The following CHIA variants were observed in gnomAD, a reference collection of about 807,000 sequenced individuals.
The protein encoded by CHIA is chitinase acidic.
CHIA carries 47 observed loss-of-function variants against 53.5 expected under a neutral mutation model. That is an observed-to-expected ratio of 0.88 (90% confidence interval 0.70 to 1.12). CHIA has a LOEUF of 1.12. CHIA is among the 50% of genes most tolerant of loss of function. The pLI is 0.00. For synonymous variants in CHIA, 268 were observed against 222.2 expected (o/e 1.21, Z -1.83); for missense variants, 652 against 592.2 (o/e 1.10, Z -1.05).
chr1:111,293,256 T>TGGA (rs1661135301), intron 1 of CHIA, among the ~76,000 whole-genome samples: 4 of 152,320 alleles, frequency 2.6e-5, no homozygotes, highest in African/African-American at 9.6e-5. Flanking sequence ...TTATTTTCTG[T>TGGA]TTTTTGATAG....
intron 1 of CHIA, among the ~76,000 whole-genome samples, chr1:111,307,155 C>T (rs954772191): frequency 6.6e-6 from 1 of 152,122 alleles, no homozygotes; most frequent in African/African-American, 2.4e-5. Flanking sequence ...TGTACAGGAA[C>T]GCTTATATAG....
At chr1:111,299,042 A>G (rs765421507) in intron 1 of CHIA, among the ~76,000 whole-genome samples, 2 of 152,212 alleles carry the variant, frequency 1.3e-5, no homozygotes, top group Non-Finnish European at 2.9e-5. Flanking sequence ...AACCAGGAAG[A>G]AGTGGAATCT....
At chr1:111,316,241 T>C (rs918128883) in intron 6 of CHIA, 5 of 165,812 alleles carry the variant, frequency 3.0e-5, no homozygotes, top group Non-Finnish European at 6.5e-5. Flanking sequence ...TGAGAACTTT[T>C]ATATTATGTT....
At chr1:111,307,119 G>A (rs1431523103) in intron 1 of CHIA, among the ~76,000 whole-genome samples, 1 of 152,182 alleles carries the variant, frequency 6.6e-6, no homozygotes, top group Non-Finnish European at 1.5e-5. Flanking sequence ...TGGAAAAACT[G>A]TTGTAAATGA....
chr1:111,306,455 T>C (rs369662521), intron 1 of CHIA, among the ~76,000 whole-genome samples: 11 of 152,046 alleles, frequency 7.2e-5, no homozygotes, highest in African/African-American at 2.4e-4. Flanking sequence ...AAAGATAAAT[T>C]TGATAAATTA....
intron 3 of CHIA, 96 bp downstream of exon 3, chr1:111,311,814 G>T (rs1648705108): frequency 3.8e-6 from 5 of 1,309,770 alleles, no homozygotes; most frequent in Non-Finnish European, 5.5e-6. Flanking sequence ...CAGACAGATG[G>T]GTTTGATTTG....
chr1:111,318,580 C>T lies in CHIA; in HGVS notation c.817C>T (p.Leu273=). The T allele has an allele frequency of 6.2e-7, 1 of 1,614,196 alleles. No individual in the cohort carries two copies. Among genetic ancestry groups the T allele is most frequent in the Non-Finnish European group, 8.5e-7 (1 of 1,180,040 alleles). ...GFPTYGHNFI[L]SNPSNTGIGA... Reference sequence around the variant, plus strand: ...CCCTACCTATGGACACAACTTCATCCTGAGCAACCCCTCCAACACTGGAAT... The same window carrying T: ...CCCTACCTATGGACACAACTTCATCTTGAGCAACCCCTCCAACACTGGAAT... The change falls in exon 9 of 12, where the codon CTG becomes TTG. Residue 273 remains leucine, a synonymous_variant. Transcript: ENST00000369740.
At chr1:111,301,171 G>A (rs892823787) in intron 1 of CHIA, among the ~76,000 whole-genome samples, 2 of 152,186 alleles carry the variant, frequency 1.3e-5, no homozygotes, top group African/African-American at 4.8e-5. Flanking sequence ...AGACAGTATG[G>A]TAATTCCTCA....
rs2275253 is a variant in CHIA, at chr1:111,319,219, A to G, written c.1015A>G (p.Ile339Val). The G allele has an allele frequency of 0.69, 1,114,578 of 1,613,838 alleles. 390,150 individuals carry two copies. The highest frequency in any genetic ancestry group is 0.78 in the African/African-American group (58,646 of 74,986). The change falls in exon 10 of 12, where the codon ATC becomes GTC. Residue 339 changes from isoleucine (I) to valine (V), a missense_variant. Ile to Val is a conservative substitution (Grantham distance 29). Transcript: ENST00000369740. ...QGNVWVGYDNIKSFDIKAQWL... is the reference protein window; with the variant it reads ...QGNVWVGYDNVKSFDIKAQWL... ...CAATGTGTGGGTTGGCTATGACAAC[A>G]TCAAGAGCTTCGATATTAAGGTAAG...
At position 111,311,674 on chromosome 1, in the gene CHIA, T is replaced by A. The variant is rs753524555; in HGVS notation, c.26-15T>A. 2 of 1,614,062 alleles carry A rather than the reference T, an allele frequency of 1.2e-6. No homozygotes were observed. The highest frequency in any genetic ancestry group is 2.2e-5 in the South Asian group (2 of 91,084). On this transcript the variant is annotated splice_polypyrimidine_tract_variant and intron_variant, in intron 2 of 11. Transcript: ENST00000369740. Reference sequence around the variant, plus strand: ...GACAATCGGTTCAAAGTACATGCTTTTTCTTTCTATCCAGGTCTTGTCCTT... The same window carrying A: ...GACAATCGGTTCAAAGTACATGCTTATTCTTTCTATCCAGGTCTTGTCCTT...
rs979660771 is a variant in CHIA, at chr1:111,304,775, A to G, written c.-68-5625A>G. On this transcript the variant is annotated intron_variant, in intron 1 of 11. Transcript: ENST00000369740. ...TTGATTTATTTTTTTCGTTTGAATG[A>G]GCTATACTTTCTTGTTCCTTTGTAT... is the stretch of plus-strand genomic sequence containing the variant. 3.9e-5 allele frequency among the ~76,000 whole-genome samples: 6 copies of G among 152,014 alleles called. No individual in the cohort carries two copies. In the South Asian group the frequency reaches 1.2e-3, roughly 31 times the overall value.
At chr1:111,312,958 C>T (rs557272476) in intron 4 of CHIA, among the ~76,000 whole-genome samples, 64 of 152,262 alleles carry the variant, frequency 4.2e-4, no homozygotes, top group African/African-American at 1.4e-3. Context: ...CAGGTTTATC[C>T]ATATTGCTGC....
In CHIA at chr1:111,316,532, T is replaced by G. The variant is rs1456199145; in HGVS notation, c.480+1097T>G. On this transcript the variant is annotated intron_variant, in intron 6 of 11. Transcript: ENST00000369740. ...AGGAAATGGAGAGGACCTCCAATTT[T>G]CTGACTTTGAGGATGGGTTTGATTT... 3 of 152,204 alleles carry G rather than the reference T, an allele frequency of 2.0e-5. No individual in the cohort carries two copies. The East Asian group carries it at 5.8e-4, about 29-fold the overall frequency. 9.4% of individuals were successfully genotyped at this position (152,204 alleles called of 1,614,324 possible).
rs4839119 is a variant in CHIA at position 111,311,232 on chromosome 1, C to T, written c.26-457C>T. ...TCACCCCATAGTTCCTAGCTCTTCT[C>T]TCCTCATATAAGGCCTCCTGAAAGT... On this transcript the variant is annotated intron_variant, in intron 2 of 11. Coordinates refer to ENST00000369740, the MANE Select transcript of CHIA (RefSeq NM_201653.4). Among the ~76,000 whole-genome samples, 2,784 of 152,290 alleles carry T rather than the reference C, an allele frequency of 0.018. 167 individuals carry two copies. In the East Asian group the frequency reaches 0.19, roughly 10 times the overall value.
chr1:111,319,365 G>A lies in CHIA; in HGVS notation c.1074G>A (p.Met358Ile). The A allele has an allele frequency of 6.2e-7, 1 of 1,614,206 alleles. No individual in the cohort carries two copies. Among genetic ancestry groups the A allele is most frequent in the Non-Finnish European group, 8.5e-7 (1 of 1,180,020 alleles). Residue 358 changes from methionine to isoleucine, a missense_variant, in exon 11 of 12, where the codon ATG (methionine) becomes ATA (isoleucine). Met to Ile is a conservative substitution (Grantham distance 10). Transcript: ENST00000369740. Reference sequence around the variant, plus strand: ...AGCACAACAAATTTGGAGGCGCCATGGTCTGGGCCATTGATCTGGATGACT... The same window carrying A: ...AGCACAACAAATTTGGAGGCGCCATAGTCTGGGCCATTGATCTGGATGACT... ...WLKHNKFGGA[M>I]VWAIDLDDFT...
At chr1:111,300,326 A>G (rs1017890847) in intron 1 of CHIA, among the ~76,000 whole-genome samples, 4 of 152,246 alleles carry the variant, frequency 2.6e-5, no homozygotes, top group Non-Finnish European at 5.9e-5. Flanking sequence ...ACTTGACTTC[A>G]AACTATACTA....
At chr1:111,301,540 A>C (rs572573688) in intron 1 of CHIA, among the ~76,000 whole-genome samples, 1 of 152,034 alleles carries the variant, frequency 6.6e-6, no homozygotes, top group South Asian at 2.1e-4. Context: ...TCTACTTAAA[A>C]TACAAAAAAA....
intron 1 of CHIA, among the ~76,000 whole-genome samples, chr1:111,295,264 T>C (rs968953716): frequency 6.6e-6 from 1 of 152,214 alleles, no homozygotes; most frequent in East Asian, 1.9e-4. Context: ...CACTGCAGCC[T>C]CAACTTCCCA....
chr1:111,291,054 G>A (rs569656780), intron 1 of CHIA, 104 bp downstream of exon 1: 4 of 297,232 alleles, frequency 1.3e-5, no homozygotes, highest in African/African-American at 9.0e-5. Flanking sequence ...TATATCGTTT[G>A]CTTATTACAT....
Sources: gnomAD v4.1 joint callset for allele counts (sites outside exome capture counted in the v4.1 genomes callset) on GRCh38, gnomAD v4.1.1 for gene constraint, MANE v1.5 for transcripts, NCBI Gene and HGNC (gene_info 2026-07-23, HGNC 2026-07-21) for gene names.